Variants in MTAP observed in about 807,000 individuals in gnomAD.
The protein encoded by MTAP is methylthioadenosine phosphorylase, also known as S-methyl-5'-thioadenosine phosphorylase.
In MTAP, 33 loss-of-function variants were observed where a neutral mutation model predicts 33.6. That is an observed-to-expected ratio of 0.98 (90% CI 0.74 to 1.31). The LOEUF is 1.31. Ranked by LOEUF, MTAP falls within the 40% of genes most tolerant of loss-of-function variation. The pLI, the probability that MTAP is intolerant of heterozygous loss-of-function variation, is 0.00. For missense variants in MTAP, 367 were observed against 360.0 expected (o/e 1.02, Z -0.16); for synonymous variants, 148 against 125.7 (o/e 1.18, Z -1.19).
chr9:21,889,871 G>T (rs1264863414), intron 1 of MTAP, among the ~76,000 whole-genome samples: 1 of 152,182 alleles, frequency 6.6e-6, no homozygotes, highest in Non-Finnish European at 1.5e-5. Context: ...TCTAATGCTG[G>T]TTGTGCTAGT....
intron 6 of MTAP, among the ~76,000 whole-genome samples, chr9:21,857,075 G>A (rs1380724875): frequency 6.6e-6 from 1 of 152,184 alleles, no homozygotes; most frequent in Non-Finnish European, 1.5e-5. Context: ...TGGGGGGCCT[G>A]AGAGGTGGGT....
intron 1 of MTAP, among the ~76,000 whole-genome samples, chr9:21,912,496 G>A (rs1326749259): frequency 1.3e-5 from 2 of 152,184 alleles, no homozygotes; most frequent in East Asian, 1.9e-4. Flanking sequence ...ATCAATAAAC[G>A]TAATCCACCA....
intron 5 of MTAP, among the ~76,000 whole-genome samples, chr9:21,847,440 A>T (rs536386898): frequency 1.3e-5 from 2 of 152,298 alleles, no homozygotes; most frequent in East Asian, 3.9e-4. Flanking sequence ...AAAGATGCTA[A>T]GGACTCTACT....
At chr9:21,911,901 A>G (rs990944107) in intron 1 of MTAP, among the ~76,000 whole-genome samples, 7 of 152,256 alleles carry the variant, frequency 4.6e-5, no homozygotes, top group Non-Finnish European at 8.8e-5. Context: ...GATAAGGAAG[A>G]AAAGAGAGAA....
At chr9:21,841,789 G>A (rs906255877) in intron 5 of MTAP, among the ~76,000 whole-genome samples, 3 of 152,190 alleles carry the variant, frequency 2.0e-5, no homozygotes, top group Non-Finnish European at 4.4e-5. Context: ...CAGGCCTTGA[G>A]TTTCAACCTC....
intron 1 of MTAP, among the ~76,000 whole-genome samples, chr9:21,896,063 C>G (rs1818286728): frequency 6.6e-6 from 1 of 152,198 alleles, no homozygotes; most frequent in Admixed American, 6.5e-5. Context: ...CAAACTGTCT[C>G]TCAGACCACA....
At chr9:21,805,205 T>C (rs542338401) in intron 1 of MTAP, among the ~76,000 whole-genome samples, 2 of 91,352 alleles carry the variant, frequency 2.2e-5, no homozygotes. Flanking sequence ...AATAGAGATA[T>C]TAACGGGGTG....
At chr9:21,912,240 C>A (rs1031107820) in intron 1 of MTAP, among the ~76,000 whole-genome samples, 2 of 152,164 alleles carry the variant, frequency 1.3e-5, no homozygotes, top group South Asian at 4.1e-4. Context: ...TGAAACTATT[C>A]CAATCAACAG....
intron 4 of MTAP, among the ~76,000 whole-genome samples, chr9:21,821,053 C>G (rs977405960): frequency 1.3e-5 from 2 of 152,160 alleles, no homozygotes; most frequent in East Asian, 3.9e-4. Context: ...TCTAAATATA[C>G]AGTCATGTCA....
At chr9:21,916,874 C>T (rs773390391) in intron 1 of MTAP, among the ~76,000 whole-genome samples, 16 of 152,106 alleles carry the variant, frequency 1.1e-4, no homozygotes, top group Non-Finnish European at 1.8e-4. Flanking sequence ...CCCCAACTTG[C>T]AGTACTTTGT....
At chr9:21,919,061 G>T (rs1330823192) in intron 1 of MTAP, among the ~76,000 whole-genome samples, 2 of 152,118 alleles carry the variant, frequency 1.3e-5, no homozygotes, top group African/African-American at 4.8e-5. Context: ...TAAGAATTGA[G>T]CATTCAATTT....
chr9:21,906,102 A>AC (rs1242036917), intron 1 of MTAP, among the ~76,000 whole-genome samples: 2 of 152,240 alleles, frequency 1.3e-5, no homozygotes, highest in African/African-American at 2.4e-5. Flanking sequence ...CCCAGACTAC[A>AC]CAAGATTTCT....
chr9:21,841,470 C>T (rs1270931962), intron 5 of MTAP, among the ~76,000 whole-genome samples: 1 of 152,262 alleles, frequency 6.6e-6, no homozygotes, highest in Non-Finnish European at 1.5e-5. Flanking sequence ...AAGCAGCATT[C>T]AAGAGAGCCA....
intron 3 of MTAP, among the ~76,000 whole-genome samples, chr9:21,816,992 C>T (rs995277117): frequency 2.0e-5 from 3 of 152,150 alleles, no homozygotes; most frequent in African/African-American, 7.2e-5. Context: ...GAAAGTAGAT[C>T]AGATGACTAA....
At chr9:21,843,843 A>G (rs11523031) in intron 5 of MTAP, among the ~76,000 whole-genome samples, 57,269 of 152,138 alleles carry the variant, frequency 0.38, 11,825 homozygotes, top group Admixed American at 0.47. Context: ...AAGGAACTAG[A>G]AAAACAAGAA....
chr9:21,856,850 A>G (rs1436268780), intron 6 of MTAP, among the ~76,000 whole-genome samples: 1 of 152,180 alleles, frequency 6.6e-6, no homozygotes, highest in African/African-American at 2.4e-5. Context: ...GAGTTGCTCC[A>G]TTTGCTTGTC....
At chr9:21,854,566 G>T in intron 5 of MTAP, 65 bp from the exon 6 acceptor site, 1 of 1,465,230 alleles carries the variant, frequency 6.8e-7, no homozygotes, top group East Asian at 2.3e-5. Flanking sequence ...AACATTGGGG[G>T]GAAGTGCAGC....
intron 1 of MTAP, among the ~76,000 whole-genome samples, chr9:21,812,891 A>G (rs1477692628): frequency 2.0e-5 from 3 of 152,210 alleles, no homozygotes; most frequent in Non-Finnish European, 4.4e-5. Flanking sequence ...TGGCCCCTGG[A>G]CGAGGTTTTT....
intron 1 of MTAP, among the ~76,000 whole-genome samples, chr9:21,903,635 G>A (rs1040697135): frequency 2.0e-5 from 3 of 152,126 alleles, no homozygotes; most frequent in Non-Finnish European, 4.4e-5. Flanking sequence ...TTCTCACATT[G>A]CTGCTCCTGT....
Sources: gnomAD v4.1 joint callset for allele counts (sites outside exome capture counted in the v4.1 genomes callset) on GRCh38, gnomAD v4.1.1 for gene constraint, MANE v1.5 for transcripts, NCBI Gene and HGNC (gene_info 2026-07-23, HGNC 2026-07-21) for gene names.